Variants in PDE8A observed in about 807,000 individuals in gnomAD.
PDE8A encodes phosphodiesterase 8A.
Under a neutral mutation model 105.0 loss-of-function variants are expected in PDE8A, and 59 were observed. The ratio of observed to expected loss-of-function variants is 0.56; its 90% CI spans 0.46 to 0.70. The LOEUF (loss-of-function observed/expected upper bound fraction) is 0.70, where lower values mean the gene tolerates loss of function less well. PDE8A is among the 30% of genes least tolerant of loss of function. The pLI, the probability that PDE8A is intolerant of heterozygous loss-of-function variation, is 0.00. For missense variants in PDE8A, 1,014 were observed against 1,045.9 expected (o/e 0.97, Z 0.42); for synonymous variants, 355 against 371.9 (o/e 0.95, Z 0.52).
intron 1 of PDE8A, among the ~76,000 whole-genome samples, chr15:85,039,669 TG>T (rs2080768891): frequency 6.6e-6 from 1 of 152,226 alleles, no homozygotes; most frequent in South Asian, 2.1e-4. Context: ...CTGTGTTCGT[TG>T]CAGTTTTATT....
chr15:85,135,276 G>T (rs2141659734), intron 20 of PDE8A, among the ~76,000 whole-genome samples: 1 of 152,222 alleles, frequency 6.6e-6, no homozygotes, highest in Non-Finnish European at 1.5e-5. Context: ...AGACTTCAGT[G>T]GTTAGCAAGT....
At chr15:85,074,013 A>G (rs1028348739) in intron 3 of PDE8A, among the ~76,000 whole-genome samples, 4 of 152,194 alleles carry the variant, frequency 2.6e-5, no homozygotes, top group Non-Finnish European at 5.9e-5. Context: ...CTCCCTCTGG[A>G]GAGGATAGGC....
At chr15:84,992,148 C>T (rs961196154) in intron 1 of PDE8A, among the ~76,000 whole-genome samples, 1 of 152,138 alleles carries the variant, frequency 6.6e-6, no homozygotes, top group Non-Finnish European at 1.5e-5. Context: ...GGATAACAGG[C>T]CCTGCTCTCA....
chr15:85,096,232 C>G lies in PDE8A; in HGVS notation c.853-1716C>G, dbSNP rs115444100. Among the ~76,000 whole-genome samples the G allele has an allele frequency of 4.8e-3, 730 of 152,112 alleles. 10 individuals carry two copies. Among genetic ancestry groups the G allele is most frequent in the African/African-American group, 0.017 (686 of 41,498 alleles). On this transcript the variant is annotated intron_variant, in intron 8 of 21. Coordinates refer to ENST00000394553, the MANE Select transcript of PDE8A (RefSeq NM_002605.3). Reference sequence around the variant, plus strand: ...ATTGGTCCCTGTAATTTTTTTCTCTCTCTTTTTTTAATGTAACAGTTTTAT... The same window carrying G: ...ATTGGTCCCTGTAATTTTTTTCTCTGTCTTTTTTTAATGTAACAGTTTTAT...
At chr15:85,051,868 A>T (rs910688665) in intron 1 of PDE8A, among the ~76,000 whole-genome samples, 1 of 152,154 alleles carries the variant, frequency 6.6e-6, no homozygotes, top group Non-Finnish European at 1.5e-5. Context: ...CATGTGCACA[A>T]TGTGCAGGTT....
At chr15:85,066,974 A>T in intron 2 of PDE8A, 40 bp from the exon 3 acceptor site, 1 of 1,425,696 alleles carries the variant, frequency 7.0e-7, no homozygotes, top group Non-Finnish European at 9.7e-7. Flanking sequence ...CAATTCTAAC[A>T]TCTTTTTTTA....
chr15:85,084,233 T>A (rs1192346972), intron 6 of PDE8A, among the ~76,000 whole-genome samples: 1 of 152,194 alleles, frequency 6.6e-6, no homozygotes, highest in Non-Finnish European at 1.5e-5. Flanking sequence ...TTACTAGGGA[T>A]CAAAGAGAGA....
chr15:85,007,174 A>G (rs111682942), intron 1 of PDE8A, among the ~76,000 whole-genome samples: 13 of 152,240 alleles, frequency 8.5e-5, no homozygotes, highest in African/African-American at 1.7e-4. Context: ...AGGGAAAAGC[A>G]TTAGAGGGGG....
intron 20 of PDE8A, among the ~76,000 whole-genome samples, chr15:85,130,230 C>G (rs529691743): frequency 6.6e-6 from 1 of 152,280 alleles, no homozygotes; most frequent in South Asian, 2.1e-4. Context: ...AAGCCATTCA[C>G]GAAGGATCTG....
intron 12 of PDE8A, among the ~76,000 whole-genome samples, chr15:85,111,165 T>G (rs1195506751): frequency 6.6e-6 from 1 of 152,224 alleles, no homozygotes; most frequent in Non-Finnish European, 1.5e-5. Flanking sequence ...GTCTGTTGTT[T>G]GCCTTCTCCC....
At position 85,083,321 on chromosome 15, in the gene PDE8A, T is replaced by TA. The variant is rs3214641; in HGVS notation, c.547-228dup. Among the ~76,000 whole-genome samples the TA allele has an allele frequency of 2.5e-3, 373 of 146,610 alleles. 4 individuals are homozygous for TA. The South Asian group carries it at 0.03, about 12-fold the overall frequency. On this transcript the variant is annotated intron_variant, in intron 5 of 21. Transcript: ENST00000394553. ...CTGAAAGAAAAGCCTTTTTTTTTTT[T>TA]AAAAAAATGAAAGGCTACTAAATGA...
At chr15:85,098,313 T>C (rs539518201) in intron 9 of PDE8A, among the ~76,000 whole-genome samples, 1 of 152,372 alleles carries the variant, frequency 6.6e-6, no homozygotes, top group Non-Finnish European at 1.5e-5. Context: ...AATGTCACTT[T>C]AGTAAGTTGT....
intron 20 of PDE8A, among the ~76,000 whole-genome samples, chr15:85,132,292 CCTTCT>C (rs762111393): frequency 1.3e-4 from 20 of 152,024 alleles, no homozygotes; most frequent in Admixed American, 7.2e-4. Context: ...TAATCTCTGT[CCTTCT>C]CTTCTCCTCT....
chr15:85,034,543 T>C (rs539608747), intron 1 of PDE8A, among the ~76,000 whole-genome samples: 11 of 152,302 alleles, frequency 7.2e-5, no homozygotes, highest in African/African-American at 2.2e-4. Context: ...AAGAGTGCTG[T>C]TCCCTCATCG....
intron 1 of PDE8A, among the ~76,000 whole-genome samples, chr15:85,009,184 A>G (rs1458123268): frequency 3.3e-5 from 5 of 151,776 alleles, no homozygotes; most frequent in South Asian, 4.1e-4. Context: ...GGAAAAGGGT[A>G]TAAGAGCTAG....
In PDE8A at chr15:85,005,708, A is replaced by G. The variant is rs551529650; in HGVS notation, c.186+23360A>G. ...GACAAATGAAAACTGTGAAAGTCCA[A>G]TCTGATTCATTCCTCTCAGAATATG... On this transcript the variant is annotated intron_variant, in intron 1 of 21. Transcript: ENST00000394553. Among the ~76,000 whole-genome samples the G allele has an allele frequency of 1.4e-4, 21 of 152,348 alleles. 1 individual carries two copies. The highest frequency in any genetic ancestry group is 8.5e-4 in the Admixed American group (13 of 15,300).
chr15:85,056,683 T>C (rs2081065040), intron 1 of PDE8A, among the ~76,000 whole-genome samples: 1 of 152,188 alleles, frequency 6.6e-6, no homozygotes, highest in Non-Finnish European at 1.5e-5. Context: ...GTATTCTCTA[T>C]GCTGTTTATT....
Position 84,981,998 on chromosome 15 carries a change from C to T in PDE8A, c.-165C>T. 1 of 330,174 alleles carries T rather than the reference C, an allele frequency of 3.0e-6. No individual in the cohort carries two copies. The highest frequency in any genetic ancestry group is 5.3e-6 in the Non-Finnish European group (1 of 190,140). 20.5% of individuals were successfully genotyped at this position (330,174 alleles called of 1,614,324 possible). A position where few individuals can be genotyped will look rare whatever the true frequency, so the allele number is the denominator to read the frequency against. On this transcript the variant is annotated 5_prime_UTR_variant, in exon 1 of 22. Coordinates refer to ENST00000394553, the MANE Select transcript of PDE8A (RefSeq NM_002605.3). ...GCCGCCGCCGCCGCAGCGCCCGCAC[C>T]GCGATAAAAGGGGCGGCCGCGTTTC...
intron 7 of PDE8A, among the ~76,000 whole-genome samples, chr15:85,090,380 A>T (rs181521257): frequency 2.5e-3 from 383 of 152,304 alleles, no homozygotes; most frequent in African/African-American, 8.9e-3. Flanking sequence ...ACCCTGACAG[A>T]TAGTATCAAT....
Sources: allele counts gnomAD v4.1 joint callset (sites outside exome capture counted in the v4.1 genomes callset), GRCh38; gene constraint gnomAD v4.1.1; transcripts MANE v1.5; gene names NCBI Gene and HGNC (gene_info 2026-07-23, HGNC 2026-07-21).